RET: variants seen among roughly 807,000 people sequenced by gnomAD.
RET encodes the protein proto-oncogene tyrosine-protein kinase receptor Ret.
A neutral mutation model predicts 118.3 loss-of-function variants in RET; 19 were observed. The ratio of observed to expected loss-of-function variants is 0.16; its 90% confidence interval spans 0.11 to 0.24. The LOEUF (loss-of-function observed/expected upper bound fraction) is 0.24, where lower values mean the gene tolerates loss of function less well. RET is among the 10% of genes least tolerant of loss of function. The pLI is 1.00. For missense variants in RET, 1,219 were observed against 1,502.1 expected, an observed-to-expected ratio of 0.81 and a Z score of 3.12; for synonymous variants, 597 against 644.1, an observed-to-expected ratio of 0.93 and a Z score of 1.11.
chr10:43,078,045 A>G (rs1485184312), intron 1 of RET, among the ~76,000 whole-genome samples: 1 of 152,190 alleles, frequency 6.6e-6, no homozygotes, highest in East Asian at 1.9e-4. Context: ...GGGGTGGGGC[A>G]GGGGTTTGCG....
At chr10:43,127,544 T>C (rs761538925) in intron 19 of RET, 8 of 988,282 alleles carry the variant, frequency 8.1e-6, no homozygotes, top group Non-Finnish European at 9.8e-6. Flanking sequence ...TTTGAAATCT[T>C]GGAGTTTCAA....
rs909451217 is a variant in RET, at chr10:43,116,702, A to G, written c.2255A>G (p.Tyr752Cys). 6.2e-7 allele frequency: 1 copy of G among 1,600,528 alleles called. No individual in the cohort carries two copies. The change falls in exon 12 of 20, where the codon TAC (tyrosine) becomes TGC (cysteine). Residue 752 changes from tyrosine to cysteine, a missense_variant. This residue lies in a region of RET where 850 missense variants were observed against 969.6 expected (regional missense o/e 0.88). Transcript: ENST00000355710. Reference sequence around the variant, plus strand: ...TTCCATCTGAAAGGCAGAGCAGGGTACACCACGGTGGCCGTGAAGATGCTG... The same window carrying G: ...TTCCATCTGAAAGGCAGAGCAGGGTGCACCACGGTGGCCGTGAAGATGCTG... ...TAFHLKGRAG[Y>C]TTVAVKMLKE... is the part of the protein sequence containing the mutation.
Position 43,120,668 on chromosome 10 carries a change from TA to T in RET, c.2730+466del, listed in dbSNP as rs564434250. 7.7e-3 allele frequency among the ~76,000 whole-genome samples: 1,166 copies of T among 152,326 alleles called. 4 individuals carry two copies. The highest frequency in any genetic ancestry group is 0.013 in the Non-Finnish European group (861 of 68,026). On this transcript the variant is annotated intron_variant, in intron 15 of 19. Transcript: ENST00000355710. The stretch of plus-strand genomic sequence containing the variant: ...CCTTGGACACTGGGCTGGGTGAGTT[TA>T]GAGGCATAGGAACCCCCTGGACAGG...
At chr10:43,082,838 C>T (rs1439302174) in intron 1 of RET, among the ~76,000 whole-genome samples, 1 of 152,142 alleles carries the variant, frequency 6.6e-6, no homozygotes, top group East Asian at 1.9e-4. Flanking sequence ...CTCTGGGTGC[C>T]GGGACGAGGG....
At chr10:43,093,524 G>A (rs1837452437) in intron 1 of RET, among the ~76,000 whole-genome samples, 1 of 152,212 alleles carries the variant, frequency 6.6e-6, no homozygotes, top group Non-Finnish European at 1.5e-5. Flanking sequence ...CTGCACACCA[G>A]CATAGAGACA....
At chr10:43,121,174 A>G (rs1364693550) in intron 15 of RET, among the ~76,000 whole-genome samples, 1 of 152,198 alleles carries the variant, frequency 6.6e-6, no homozygotes, top group Admixed American at 6.5e-5. Context: ...CAGGGAGAGA[A>G]GCTGAAGGCA....
At chr10:43,124,436 C>T (rs1331359652) in intron 17 of RET, among the ~76,000 whole-genome samples, 1 of 152,124 alleles carries the variant, frequency 6.6e-6, no homozygotes, top group Non-Finnish European at 1.5e-5. Context: ...AAGGACGGTG[C>T]AGGACAGACG....
At chr10:43,108,071 A>C (rs112347458) in intron 5 of RET, among the ~76,000 whole-genome samples, 1 of 152,054 alleles carries the variant, frequency 6.6e-6, no homozygotes, top group African/African-American at 2.4e-5. Flanking sequence ...TGGACCAGGC[A>C]TAGTGGCTCA....
chr10:43,118,537 T>C, intron 13 of RET, 57 bp downstream of exon 13: 2 of 1,247,474 alleles, frequency 1.6e-6, no homozygotes, highest in Non-Finnish European at 2.4e-6. Flanking sequence ...GGGGGCTCCA[T>C]ACAGCCCTGT....
chr10:43,120,315 G>T, intron 15 of RET, 112 bp downstream of exon 15: 1 of 1,422,354 alleles, frequency 7.0e-7, no homozygotes. Context: ...GGAGCTCTAA[G>T]CTTTTTATAG....
chr10:43,110,484 A>G (rs925176452), intron 6 of RET, among the ~76,000 whole-genome samples: 1 of 152,138 alleles, frequency 6.6e-6, no homozygotes, highest in African/African-American at 2.4e-5. Context: ...TTTGGTTTCA[A>G]GCAGCTGCAA....
At position 43,109,062 on chromosome 10, in the gene RET, G is replaced by A. The variant is rs201992974; in HGVS notation, c.1095G>A (p.Ser365=). Residue 365 remains serine, a synonymous_variant, in exon 6 of 20, where the codon TCG becomes TCA. Transcript: ENST00000355710. The part of the protein sequence containing the change: ...RLVLNRNLSI[S]ENRTMQLAVL... ...TTCTCAACCGGAACCTCTCCATCTCGGAGAACCGCACCATGCAGCTGGCGG... is the reference window on the plus strand; with the variant it reads ...TTCTCAACCGGAACCTCTCCATCTCAGAGAACCGCACCATGCAGCTGGCGG... 14 of 1,613,574 alleles carry A rather than the reference G, an allele frequency of 8.7e-6. No individual in the cohort carries two copies. The highest frequency in any genetic ancestry group is 6.7e-5 in the East Asian group (3 of 44,872).
chr10:43,092,266 C>A (rs12357104), intron 1 of RET, among the ~76,000 whole-genome samples: 1 of 152,128 alleles, frequency 6.6e-6, no homozygotes, highest in Non-Finnish European at 1.5e-5. Flanking sequence ...TCCCTGCAGT[C>A]GTCAAATTCG....
chr10:43,110,761 C>A (rs1837897895), intron 6 of RET, among the ~76,000 whole-genome samples: 1 of 152,110 alleles, frequency 6.6e-6, no homozygotes, highest in Non-Finnish European at 1.5e-5. Flanking sequence ...ACCTCTAAAC[C>A]CTGTGCACTG....
At chr10:43,083,375 C>A (rs1837226556) in intron 1 of RET, among the ~76,000 whole-genome samples, 1 of 152,248 alleles carries the variant, frequency 6.6e-6, no homozygotes, top group Non-Finnish European at 1.5e-5. Context: ...GAATGCCCCC[C>A]AGTCTCAGGG....
intron 3 of RET, among the ~76,000 whole-genome samples, chr10:43,104,210 GTGTT>G (rs1040677842): frequency 5.9e-5 from 9 of 151,840 alleles, no homozygotes; most frequent in African/African-American, 2.2e-4. Context: ...GATGTCCACT[GTGTT>G]TGTTTTCAAG....
intron 1 of RET, among the ~76,000 whole-genome samples, chr10:43,087,467 GT>G (rs1837314331): frequency 6.6e-6 from 1 of 152,276 alleles, no homozygotes; most frequent in South Asian, 2.1e-4. Flanking sequence ...GCACTGAGCT[GT>G]CCATCATCTG....
chr10:43,098,474 T>G (rs889326866), intron 1 of RET, among the ~76,000 whole-genome samples: 19 of 144,578 alleles, frequency 1.3e-4, no homozygotes, highest in Admixed American at 1.2e-3. Context: ...CAGGCTGGAG[T>G]GCAATGGCAC....
rs531989073 is a variant in RET at position 43,129,150 on chromosome 10, C to T, written c.*881C>T. On this transcript the variant is annotated 3_prime_UTR_variant, in exon 20 of 20. Coordinates refer to ENST00000355710, the MANE Select transcript of RET (RefSeq NM_020975.6). ...GAGGCTTTGCTGCTGTGAATCCCACCTGCCACCAGCCTGCAGCACACCCCA... is the reference window on the plus strand; with the variant it reads ...GAGGCTTTGCTGCTGTGAATCCCACTTGCCACCAGCCTGCAGCACACCCCA... The T allele has an allele frequency of 9.0e-5, 21 of 233,628 alleles. No individual in the cohort carries two copies. The highest frequency in any genetic ancestry group is 4.6e-4 in the African/African-American group (21 of 45,458). The allele number at this position is 233,628 out of a possible 1,614,324, so 14.5% of individuals were successfully genotyped here.
Sources: gnomAD v4.1 joint callset for allele counts (sites outside exome capture counted in the v4.1 genomes callset) on GRCh38, gnomAD v4.1.1 for gene constraint, gnomAD v4.1.1 regional missense constraint, MANE v1.5 for transcripts, NCBI Gene and HGNC (gene_info 2026-07-23, HGNC 2026-07-21) for gene names.